Variants in UNC13C observed in about 807,000 individuals in gnomAD.
UNC13C encodes the protein unc-13 homolog C, also known as protein unc-13 homolog C.
A neutral mutation model predicts 245.4 loss-of-function variants in UNC13C; 174 were observed. That is an observed-to-expected ratio of 0.71 (90% CI 0.63 to 0.80). The LOEUF (loss-of-function observed/expected upper bound fraction) is 0.80. Ranked by LOEUF, UNC13C falls within the 30% of genes least tolerant of loss-of-function variation. The probability of loss-of-function intolerance (pLI) is 0.00; values close to 1 mark genes in which losing one functional copy is unlikely to be tolerated. For missense variants in UNC13C, 2,829 were observed against 2,602.9 expected, an observed-to-expected ratio of 1.09 and a Z score of -1.89; for synonymous variants, 992 against 895.1, an observed-to-expected ratio of 1.11 and a Z score of -1.93.
chr15:53,889,023 G>C, the UNC13C span, among the ~76,000 whole-genome samples: 2 of 152,030 alleles, frequency 1.3e-5, no homozygotes, highest in Non-Finnish European at 2.9e-5. Flanking sequence ...GGACTGTCTT[G>C]GCTCTGCGGG....
intron 30 of UNC13C, among the ~76,000 whole-genome samples, chr15:54,602,568 CTTT>C (rs1168917936): frequency 6.6e-6 from 1 of 152,078 alleles, no homozygotes; most frequent in Non-Finnish European, 1.5e-5. Flanking sequence ...TCTAAGTTTT[CTTT>C]TTATTTTGAG....
At chr15:54,438,678 A>G (rs1014321608) in intron 19 of UNC13C, among the ~76,000 whole-genome samples, 1 of 151,930 alleles carries the variant, frequency 6.6e-6, no homozygotes, top group Non-Finnish European at 1.5e-5. Context: ...TACAACTGTG[A>G]GTTGCAATTA....
chr15:54,309,919 A>C (rs1487731723), intron 13 of UNC13C, among the ~76,000 whole-genome samples: 1 of 151,706 alleles, frequency 6.6e-6, no homozygotes, highest in African/African-American at 2.4e-5. Context: ...TTTAGAGTTT[A>C]TTACTCTAAC....
At chr15:54,043,774 G>T (rs1447817590) in intron 2 of UNC13C, among the ~76,000 whole-genome samples, 1 of 152,112 alleles carries the variant, frequency 6.6e-6, no homozygotes, top group African/African-American at 2.4e-5. Context: ...GCCATCATAT[G>T]ACTTCATTTA....
intron 30 of UNC13C, among the ~76,000 whole-genome samples, chr15:54,596,839 A>G (rs1256806197): frequency 6.6e-6 from 1 of 152,146 alleles, no homozygotes; most frequent in African/African-American, 2.4e-5. Context: ...GCCTTCTACC[A>G]TGAATAAAAA....
rs531945869 is a variant in UNC13C at position 54,402,929 on chromosome 15, A to C, written c.4847+9748A>C. Among the ~76,000 whole-genome samples the C allele has an allele frequency of 2.0e-5, 3 of 152,282 alleles. No homozygotes were observed. The East Asian group carries it at 5.8e-4, about 29-fold the overall frequency. ...TATGTTTTAGAAATTAGGAGGCAAA[A>C]CTTAATTCATGAGACCATATCAGGA... On this transcript the variant is annotated intron_variant, in intron 18 of 32. Transcript: ENST00000260323.
chr15:53,874,046 G>C, the UNC13C span, among the ~76,000 whole-genome samples: 1 of 151,312 alleles, frequency 6.6e-6, no homozygotes, highest in African/African-American at 2.4e-5. Context: ...ATATAATCAT[G>C]GCTCACTACA....
chr15:54,293,928 C>G lies in UNC13C; in HGVS notation c.3852C>G (p.Val1284=), dbSNP rs1290220241. The G allele has an allele frequency of 6.3e-7, 1 of 1,582,814 alleles. No homozygotes were observed. The highest frequency in any genetic ancestry group is 1.9e-5 in the Admixed American group (1 of 53,844). The change falls in exon 11 of 33, where the codon GTC becomes GTG. Residue 1284 remains valine (V), a synonymous_variant. Transcript: ENST00000260323. ...ATAACTCCACAGATCGAATCAAAGT[C>G]AGAGTATGGGATGAAGATGATGATA... ...ECHNSTDRIK[V]RVWDEDDDIK... is the part of the protein sequence containing the mutation.
chr15:54,459,172 C>T (rs991397512), intron 19 of UNC13C, among the ~76,000 whole-genome samples: 2 of 152,132 alleles, frequency 1.3e-5, no homozygotes, highest in African/African-American at 4.8e-5. Flanking sequence ...CTGGATAAAA[C>T]ATTCTTGGCT....
At chr15:53,969,726 C>G in the UNC13C span, among the ~76,000 whole-genome samples, 2 of 151,500 alleles carry the variant, frequency 1.3e-5, no homozygotes, top group Admixed American at 1.3e-4. Flanking sequence ...AAACAAAATC[C>G]CATACACTTA....
chr15:54,205,670 A>G (rs1171203790), intron 4 of UNC13C, among the ~76,000 whole-genome samples: 1 of 151,962 alleles, frequency 6.6e-6, no homozygotes, highest in East Asian at 1.9e-4. Context: ...TTTTTCTACC[A>G]TGGGACTTGA....
At chr15:54,412,986 T>A (rs1305251621) in intron 18 of UNC13C, among the ~76,000 whole-genome samples, 1 of 152,170 alleles carries the variant, frequency 6.6e-6, no homozygotes, top group Non-Finnish European at 1.5e-5. Flanking sequence ...CATGAATGAA[T>A]GTTGAAGTTT....
At chr15:54,474,979 T>C (rs1356552687) in intron 19 of UNC13C, among the ~76,000 whole-genome samples, 1 of 151,948 alleles carries the variant, frequency 6.6e-6, no homozygotes, top group Non-Finnish European at 1.5e-5. Context: ...ACAAGAAGGA[T>C]ACCAAGCCAT....
chr15:54,617,047 AG>A (rs1227907610), intron 30 of UNC13C, among the ~76,000 whole-genome samples: 1 of 152,112 alleles, frequency 6.6e-6, no homozygotes, highest in Non-Finnish European at 1.5e-5. Flanking sequence ...CCTACCACTT[AG>A]AAGTGTCATA....
chr15:54,599,501 T>A (rs2947000), intron 30 of UNC13C, among the ~76,000 whole-genome samples: 139,443 of 151,936 alleles, frequency 0.92, 64,153 homozygotes, highest in African/African-American at 0.98. Context: ...AATGGTAAGA[T>A]CTATTTCTTT....
chr15:54,513,490 G>A (rs1031658678), intron 24 of UNC13C, among the ~76,000 whole-genome samples: 1 of 152,120 alleles, frequency 6.6e-6, no homozygotes, highest in African/African-American at 2.4e-5. Context: ...AATTAAAAAT[G>A]TTATAAAGTG....
chr15:54,266,357 A>G (rs1045852141), intron 10 of UNC13C, among the ~76,000 whole-genome samples: 15 of 152,080 alleles, frequency 9.9e-5, no homozygotes, highest in Non-Finnish European at 2.1e-4. Flanking sequence ...AGGGATTTGG[A>G]GGATTTCTCC....
the UNC13C span, among the ~76,000 whole-genome samples, chr15:53,946,676 T>TG: frequency 7.1e-6 from 1 of 141,772 alleles, no homozygotes; most frequent in South Asian, 2.2e-4. Flanking sequence ...AGCTGAGGTT[T>TG]TTTTTTTTTT....
chr15:54,209,765 C>G (rs1162894464), intron 4 of UNC13C, among the ~76,000 whole-genome samples: 1 of 152,098 alleles, frequency 6.6e-6, no homozygotes, highest in Admixed American at 6.6e-5. Context: ...GGTTCTACCT[C>G]TTAATATCGG....
Sources: gnomAD v4.1 joint callset for allele counts (sites outside exome capture counted in the v4.1 genomes callset) on GRCh38, gnomAD v4.1.1 for gene constraint, MANE v1.5 for transcripts, NCBI Gene and HGNC (gene_info 2026-07-23, HGNC 2026-07-21) for gene names.